The following NELL2 variants were observed in gnomAD, a reference collection of about 807,000 sequenced individuals.
The protein encoded by NELL2 is neural EGFL like 2, also known as protein kinase C-binding protein NELL2.
NELL2 carries 41 observed loss-of-function variants against 109.6 expected under a neutral mutation model. That is an observed-to-expected ratio of 0.37 (90% CI 0.29 to 0.49). The LOEUF (loss-of-function observed/expected upper bound fraction) is 0.49, where lower values mean the gene tolerates loss of function less well. NELL2 is among the 20% of genes least tolerant of loss of function. The pLI is 0.98. For synonymous variants in NELL2, 355 were observed against 344.7 expected (o/e 1.03, Z -0.33); for missense variants, 900 against 1,008.3 (o/e 0.89, Z 1.45).
intron 15 of NELL2, among the ~76,000 whole-genome samples, chr12:44,580,559 A>G (rs1439957055): frequency 1.3e-5 from 2 of 152,126 alleles, no homozygotes; most frequent in African/African-American, 4.8e-5. Flanking sequence ...TCTAATAAAA[A>G]TACAAAAAAT....
intron 1 of NELL2, among the ~76,000 whole-genome samples, chr12:44,881,400 G>C (rs1034261194): frequency 1.3e-5 from 2 of 151,820 alleles, no homozygotes; most frequent in Non-Finnish European, 2.9e-5. Context: ...ATGAAAGACA[G>C]AAAATGGCAG....
At chr12:44,838,464 A>T (rs1022421870) in intron 2 of NELL2, among the ~76,000 whole-genome samples, 2 of 152,090 alleles carry the variant, frequency 1.3e-5, no homozygotes, top group Admixed American at 6.5e-5. Flanking sequence ...CAGTTCCATC[A>T]TTTTCTAGTT....
chr12:44,712,381 G>A (rs1174845618), intron 10 of NELL2, among the ~76,000 whole-genome samples: 1 of 151,978 alleles, frequency 6.6e-6, no homozygotes, highest in African/African-American at 2.4e-5. Flanking sequence ...TGTATACAGT[G>A]GAGTCAAACG....
chr12:44,879,597 G>A (rs545600450), upstream of NELL2, among the ~76,000 whole-genome samples: 7 of 152,026 alleles, frequency 4.6e-5, no homozygotes, highest in South Asian at 1.2e-3. Flanking sequence ...GGAGAGGGTG[G>A]AACACAGGGA....
At chr12:44,675,243 C>G (rs895784253) in intron 12 of NELL2, among the ~76,000 whole-genome samples, 1 of 152,122 alleles carries the variant, frequency 6.6e-6, no homozygotes, top group Non-Finnish European at 1.5e-5. Context: ...GCATTTATTA[C>G]AAACCTGACA....
rs952859108 is a variant in NELL2 at position 44,700,352 on chromosome 12, T to A, written c.1318+3374A>T. ...TGATATGTTTAAAACACAAGTGTGA[T>A]CACGAAACTTCTCATCTTAAAATCT... On this transcript the variant is annotated intron_variant, in intron 12 of 19. Coordinates refer to ENST00000429094, the MANE Select transcript of NELL2 (RefSeq NM_001145108.2). 4.6e-5 allele frequency among the ~76,000 whole-genome samples: 7 copies of A among 152,276 alleles called. No individual in the cohort carries two copies. In the South Asian group the frequency reaches 8.3e-4, roughly 18 times the overall value.
At chr12:44,761,152 G>A (rs894197345) in intron 9 of NELL2, among the ~76,000 whole-genome samples, 4 of 152,036 alleles carry the variant, frequency 2.6e-5, no homozygotes, top group East Asian at 1.9e-4. Context: ...ACCTGAGGTC[G>A]GGAGTTCAAG....
intron 1 of NELL2, among the ~76,000 whole-genome samples, chr12:44,888,577 G>GA (rs540078477): frequency 2.6e-5 from 4 of 151,026 alleles, no homozygotes; most frequent in Non-Finnish European, 4.4e-5. Context: ...TAAAAATAAA[G>GA]AAAAAAAATT....
chr12:44,774,148 C>T (rs921267283), intron 9 of NELL2, among the ~76,000 whole-genome samples: 8 of 152,196 alleles, frequency 5.3e-5, no homozygotes, highest in East Asian at 1.9e-4. Context: ...ATTGAACGAT[C>T]TAGAACCCAG....
chr12:44,673,966 G>A (rs1175744757), intron 12 of NELL2, among the ~76,000 whole-genome samples: 2 of 151,678 alleles, frequency 1.3e-5, no homozygotes, highest in East Asian at 1.9e-4. Flanking sequence ...TTTACTCAAC[G>A]AGTATATAAT....
intron 3 of NELL2, among the ~76,000 whole-genome samples, chr12:44,805,403 G>T (rs1040558175): frequency 6.6e-6 from 1 of 151,854 alleles, no homozygotes; most frequent in African/African-American, 2.4e-5. Flanking sequence ...AAATAGGTTA[G>T]TAGAACAGAA....
chr12:44,594,076 G>T (rs370190618), intron 15 of NELL2, among the ~76,000 whole-genome samples: 48 of 152,012 alleles, frequency 3.2e-4, no homozygotes, highest in Non-Finnish European at 6.5e-4. Flanking sequence ...TATGTGGCGG[G>T]GGGGAGTCGA....
At chr12:44,659,364 A>G (rs1224452114) in intron 13 of NELL2, among the ~76,000 whole-genome samples, 2 of 152,240 alleles carry the variant, frequency 1.3e-5, no homozygotes, top group African/African-American at 4.8e-5. Flanking sequence ...ATTAAACTAA[A>G]GAGCTTCTGC....
chr12:44,707,231 G>C (rs905637976), intron 11 of NELL2, among the ~76,000 whole-genome samples: 1 of 152,068 alleles, frequency 6.6e-6, no homozygotes, highest in Non-Finnish European at 1.5e-5. Flanking sequence ...ATTTCTTCAG[G>C]TCAGGGCATA....
At chr12:44,741,161 T>G (rs1053109177) in intron 9 of NELL2, among the ~76,000 whole-genome samples, 4 of 152,220 alleles carry the variant, frequency 2.6e-5, no homozygotes, top group Non-Finnish European at 4.4e-5. Flanking sequence ...AAGGAGACCT[T>G]TATGATAATC....
chr12:44,742,214 C>T (rs535253324), intron 9 of NELL2, among the ~76,000 whole-genome samples: 2 of 152,198 alleles, frequency 1.3e-5, no homozygotes, highest in African/African-American at 2.4e-5. Context: ...TGGAGTAGAC[C>T]TCTAGCAAAC....
chr12:44,828,510 T>A, intron 2 of NELL2, among the ~76,000 whole-genome samples: 1 of 152,240 alleles, frequency 6.6e-6, no homozygotes, highest in East Asian at 1.9e-4. Flanking sequence ...TAACAAAATG[T>A]GTGTTGGCTT....
chr12:44,876,316 G>A, upstream of NELL2: 3 of 1,179,590 alleles, frequency 2.5e-6, no homozygotes, highest in Non-Finnish European at 3.2e-6. Context: ...CAGAGACAAT[G>A]GAGAAAGCTC....
chr12:44,798,913 TA>T (rs1942727151), intron 3 of NELL2, among the ~76,000 whole-genome samples: 1 of 149,114 alleles, frequency 6.7e-6, no homozygotes, highest in Non-Finnish European at 1.5e-5. Context: ...GCTATTCATA[TA>T]GGGGAAAAAA....
Sources: allele counts gnomAD v4.1 joint callset (sites outside exome capture counted in the v4.1 genomes callset), GRCh38; gene constraint gnomAD v4.1.1; transcripts MANE v1.5; gene names NCBI Gene and HGNC (gene_info 2026-07-23, HGNC 2026-07-21).